The following NEGR1 variants were observed in gnomAD, a reference collection of about 807,000 sequenced individuals.
NEGR1 encodes the protein neuronal growth regulator 1.
A neutral mutation model predicts 40.9 loss-of-function variants in NEGR1; 10 were observed. That is an observed-to-expected ratio of 0.24 (90% confidence interval 0.15 to 0.42). The LOEUF is 0.42. NEGR1 is among the 10% of genes least tolerant of loss of function. NEGR1 has a pLI of 1.00. For missense variants in NEGR1, 352 were observed against 438.9 expected (o/e 0.80, Z 1.77); for synonymous variants, 185 against 166.8 (o/e 1.11, Z -0.84).
At chr1:71,878,619 G>A (rs1660499126) in intron 2 of NEGR1, among the ~76,000 whole-genome samples, 1 of 152,026 alleles carries the variant, frequency 6.6e-6, no homozygotes, top group Admixed American at 6.6e-5. Flanking sequence ...TAAATAGCTG[G>A]AAATCATTCT....
chr1:71,619,335 T>C (rs1440565242), intron 4 of NEGR1, among the ~76,000 whole-genome samples: 1 of 152,096 alleles, frequency 6.6e-6, no homozygotes, highest in African/African-American at 2.4e-5. Context: ...CCTCCATTGC[T>C]CTGTGAATTT....
intron 1 of NEGR1, among the ~76,000 whole-genome samples, chr1:71,939,140 G>A (rs1365783718): frequency 6.6e-6 from 1 of 152,074 alleles, no homozygotes; most frequent in African/African-American, 2.4e-5. Context: ...TCTTGCCTCA[G>A]TTAGTTTGTA....
chr1:72,026,337 C>A, intron 1 of NEGR1, among the ~76,000 whole-genome samples: 1 of 148,208 alleles, frequency 6.7e-6, no homozygotes, highest in Non-Finnish European at 1.5e-5. Context: ...AATGGCAAAT[C>A]AAAAACTAAA....
chr1:71,826,621 T>TCTTCCCCTTTTTTTCTTTA lies in NEGR1; in HGVS notation c.410-50325_410-50324insTAAAGAAAAAAAGGGGAAG, dbSNP rs1352287307. Among the ~76,000 whole-genome samples the TCTTCCCCTTTTTTTCTTTA allele has an allele frequency of 3.0e-3, 457 of 152,048 alleles. 5 individuals carry two copies. Among genetic ancestry groups the TCTTCCCCTTTTTTTCTTTA allele is most frequent in the African/African-American group, 0.011 (441 of 41,542 alleles). ...GCCTATGGAAGTAAGGAAGAAAGAT[T>TCTTCCCCTTTTTTTCTTTA]CTTCCCCTTTTTTTCTGTGTAAAGA... On this transcript the variant is annotated intron_variant, in intron 2 of 6. Transcript: ENST00000357731.
At chr1:72,192,031 T>C (rs1490966199) in intron 1 of NEGR1, among the ~76,000 whole-genome samples, 14 of 151,924 alleles carry the variant, frequency 9.2e-5, no homozygotes, top group Non-Finnish European at 1.5e-5. Context: ...CTTGTTTTAT[T>C]TGAAGAAAGT....
chr1:71,926,799 T>C (rs1407147173), intron 2 of NEGR1, among the ~76,000 whole-genome samples: 1 of 152,116 alleles, frequency 6.6e-6, no homozygotes. Flanking sequence ...ATCTAAAGTA[T>C]TGTTCTAATA....
chr1:71,594,724 A>G (rs1337706297), intron 5 of NEGR1, among the ~76,000 whole-genome samples: 1 of 152,230 alleles, frequency 6.6e-6, no homozygotes, highest in Non-Finnish European at 1.5e-5. Flanking sequence ...TCATTATTAT[A>G]TATTTTCTGC....
At chr1:71,694,538 T>C (rs1167343660) in intron 4 of NEGR1, among the ~76,000 whole-genome samples, 1 of 151,742 alleles carries the variant, frequency 6.6e-6, no homozygotes, top group African/African-American at 2.4e-5. Flanking sequence ...TCTATCTGTA[T>C]AGTCAATTAT....
intron 1 of NEGR1, among the ~76,000 whole-genome samples, chr1:71,973,691 C>A (rs1570568525): frequency 6.6e-6 from 1 of 151,942 alleles, no homozygotes; most frequent in Non-Finnish European, 1.5e-5. Flanking sequence ...ATGATAAAAA[C>A]CAGATACTAA....
At chr1:71,580,953 C>T (rs554174139) in intron 6 of NEGR1, among the ~76,000 whole-genome samples, 20 of 152,048 alleles carry the variant, frequency 1.3e-4, no homozygotes, top group African/African-American at 3.9e-4. Context: ...AGAAATTCTG[C>T]GATTTATTTA....
At chr1:71,568,264 T>C (rs1004270284) in intron 6 of NEGR1, among the ~76,000 whole-genome samples, 13 of 152,140 alleles carry the variant, frequency 8.5e-5, no homozygotes, top group African/African-American at 3.1e-4. Context: ...GGATACGCAT[T>C]CCATATCAGA....
At chr1:71,593,135 G>C (rs1343569593) in intron 5 of NEGR1, among the ~76,000 whole-genome samples, 167 bp from the exon 6 acceptor site, 5 of 152,094 alleles carry the variant, frequency 3.3e-5, no homozygotes, top group Non-Finnish European at 5.9e-5. Flanking sequence ...TAGTAGATTT[G>C]GGGGAGGTGA....
chr1:72,176,618 G>C (rs1009381043), intron 1 of NEGR1, among the ~76,000 whole-genome samples: 4 of 151,864 alleles, frequency 2.6e-5, no homozygotes, highest in Non-Finnish European at 5.9e-5. Flanking sequence ...AGGAGACTTG[G>C]ATAATGAAAG....
intron 1 of NEGR1, among the ~76,000 whole-genome samples, chr1:72,187,073 A>C (rs1652639029): frequency 6.6e-6 from 1 of 151,622 alleles, no homozygotes; most frequent in Non-Finnish European, 1.5e-5. Flanking sequence ...GGCCAATCTC[A>C]AAATGGGCTG....
chr1:72,131,750 G>A (rs1321415853), intron 1 of NEGR1, among the ~76,000 whole-genome samples: 1 of 152,178 alleles, frequency 6.6e-6, no homozygotes, highest in East Asian at 1.9e-4. Flanking sequence ...TACAGGTTAT[G>A]TCTACATTAG....
At chr1:71,769,864 A>C (rs1656254572) in intron 3 of NEGR1, among the ~76,000 whole-genome samples, 1 of 152,220 alleles carries the variant, frequency 6.6e-6, no homozygotes, top group South Asian at 2.1e-4. Context: ...AACTCTGTCC[A>C]ATGTTGCATA....
chr1:71,867,203 A>T (rs1037727479), intron 2 of NEGR1, among the ~76,000 whole-genome samples: 2 of 152,066 alleles, frequency 1.3e-5, no homozygotes, highest in Non-Finnish European at 2.9e-5. Flanking sequence ...GTGAAACTCT[A>T]TCTCTACTAA....
intron 6 of NEGR1, among the ~76,000 whole-genome samples, chr1:71,576,182 G>T (rs1648961189): frequency 6.6e-6 from 1 of 152,136 alleles, no homozygotes; most frequent in Non-Finnish European, 1.5e-5. Flanking sequence ...ATACTATACT[G>T]CTGGAAAAGT....
At chr1:72,159,435 G>A (rs1305519687) in intron 1 of NEGR1, among the ~76,000 whole-genome samples, 1 of 152,054 alleles carries the variant, frequency 6.6e-6, no homozygotes, top group African/African-American at 2.4e-5. Context: ...GAGTAAATGG[G>A]TCACTAGATT....
Sources: gnomAD v4.1 joint callset for allele counts (sites outside exome capture counted in the v4.1 genomes callset) on GRCh38, gnomAD v4.1.1 for gene constraint, MANE v1.5 for transcripts, NCBI Gene and HGNC (gene_info 2026-07-23, HGNC 2026-07-21) for gene names.